The following PYGO1 variants were observed in gnomAD, a reference collection of about 807,000 sequenced individuals.
PYGO1 encodes pygopus family PHD finger 1.
PYGO1 carries 6 observed loss-of-function variants against 29.5 expected under a neutral mutation model. The observed-to-expected ratio is 0.20, with a 90% CI of 0.11 to 0.40. The LOEUF (loss-of-function observed/expected upper bound fraction) is 0.40. PYGO1 is among the 10% of genes least tolerant of loss of function. The pLI is 1.00. For synonymous variants in PYGO1, 186 were observed against 180.5 expected (o/e 1.03, Z -0.24); for missense variants, 515 against 514.9 (o/e 1.00, Z 0.00).
intron 1 of PYGO1, among the ~76,000 whole-genome samples, chr15:55,552,361 CA>C (rs56789656): frequency 0.19 from 10,215 of 52,886 alleles, 732 homozygotes; most frequent in African/African-American, 0.41. Flanking sequence ...ACTCTGTCTC[CA>C]AAAAAAAAAA....
chr15:55,547,326 T>C (rs1165116052), intron 2 of PYGO1, among the ~76,000 whole-genome samples, 179 bp from the exon 3 acceptor site: 1 of 152,220 alleles, frequency 6.6e-6, no homozygotes, highest in Non-Finnish European at 1.5e-5. Context: ...TAATTATACT[T>C]GCTGATAAAA....
chr15:55,550,792 A>AT (rs1486744855), intron 1 of PYGO1, among the ~76,000 whole-genome samples: 1 of 152,048 alleles, frequency 6.6e-6, no homozygotes, highest in Non-Finnish European at 1.5e-5. Context: ...ATATATCTTG[A>AT]TTTTGCTGAT....
At chr15:55,586,880 G>A (rs1357291815) in intron 1 of PYGO1, among the ~76,000 whole-genome samples, 4 of 152,068 alleles carry the variant, frequency 2.6e-5, no homozygotes, top group Non-Finnish European at 4.4e-5. Context: ...TACCACCTAC[G>A]ATTTGACATT....
chr15:55,577,035 G>A (rs1397780705), intron 1 of PYGO1, among the ~76,000 whole-genome samples: 3 of 150,998 alleles, frequency 2.0e-5, no homozygotes, highest in East Asian at 1.9e-4. Flanking sequence ...CCTCCCTCAC[G>A]ATTTGCTCAC....
At chr15:55,580,555 G>C (rs573525694) in intron 1 of PYGO1, among the ~76,000 whole-genome samples, 1 of 152,288 alleles carries the variant, frequency 6.6e-6, no homozygotes, top group South Asian at 2.1e-4. Flanking sequence ...ACAACTCCAT[G>C]AGATAAGTAC....
Position 55,546,740 on chromosome 15 carries a change from A to T in PYGO1, c.543T>A (p.Ala181=). The change falls in exon 3 of 3, where the codon GCT becomes GCA. Residue 181 remains alanine (A), a synonymous_variant. Transcript: ENST00000563719. ...MPNQHFRQNP[A]ENFSQIPPQN... is the part of the protein sequence containing the mutation. ...GTGGAGGAATTTGACTGAAATTTTCAGCAGGATTTTGTCTAAAATGTTGAT... is the reference window on the plus strand; with the variant it reads ...GTGGAGGAATTTGACTGAAATTTTCTGCAGGATTTTGTCTAAAATGTTGAT... The T allele has an allele frequency of 6.2e-7, 1 of 1,614,140 alleles. No homozygotes were observed. The highest frequency in any genetic ancestry group is 8.5e-7 in the Non-Finnish European group (1 of 1,179,956).
At position 55,544,708 on chromosome 15, in the gene PYGO1, T is replaced by C. The variant is rs2058842003; in HGVS notation, c.*1315A>G. 1.3e-5 allele frequency: 2 copies of C among 152,170 alleles called. No individual in the cohort carries two copies. The highest frequency in any genetic ancestry group is 1.3e-4 in the Admixed American group (2 of 15,274). 9.4% of individuals were successfully genotyped at this position (152,170 alleles called of 1,614,324 possible). Reference sequence around the variant, plus strand: ...AGAATTTTTTTGGTTGCAATGATAATGGTGGCAACATATTAGGGAGCTTTA... The same window carrying C: ...AGAATTTTTTTGGTTGCAATGATAACGGTGGCAACATATTAGGGAGCTTTA... On this transcript the variant is annotated 3_prime_UTR_variant, in exon 3 of 3. Transcript: ENST00000563719.
chr15:55,587,759 C>G (rs2059054868), intron 1 of PYGO1, 76 bp downstream of exon 1: 9 of 1,434,482 alleles, frequency 6.3e-6, no homozygotes, highest in East Asian at 6.2e-5. Context: ...GCCCCATGGC[C>G]TCCCGGCGGC....
chr15:55,584,866 GCTGCTTCTGGTCTA>G (rs2059040067), intron 1 of PYGO1, among the ~76,000 whole-genome samples: 1 of 152,186 alleles, frequency 6.6e-6, no homozygotes, highest in Non-Finnish European at 1.5e-5. Context: ...ACCACAGCCA[GCTGCTTCTGGTCTA>G]CTCACACCTT....
At chr15:55,582,265 C>A (rs1025768429) in intron 1 of PYGO1, among the ~76,000 whole-genome samples, 1 of 149,826 alleles carries the variant, frequency 6.7e-6, no homozygotes, top group South Asian at 2.1e-4. Context: ...GACAGTGTTG[C>A]GTGGGAGTAG....
chr15:55,584,963 G>C (rs144587504), intron 1 of PYGO1, among the ~76,000 whole-genome samples: 2 of 152,164 alleles, frequency 1.3e-5, no homozygotes, highest in Admixed American at 6.5e-5. Flanking sequence ...TCTTGTTAAA[G>C]ATGCAGAAGT....
At chr15:55,578,673 A>T (rs2059013948) in intron 1 of PYGO1, among the ~76,000 whole-genome samples, 1 of 152,186 alleles carries the variant, frequency 6.6e-6, no homozygotes, top group African/African-American at 2.4e-5. Flanking sequence ...ATGTCTATTC[A>T]ATCCTTTGGC....
intron 1 of PYGO1, among the ~76,000 whole-genome samples, chr15:55,565,978 C>T (rs1406582909): frequency 6.6e-6 from 1 of 152,160 alleles, no homozygotes; most frequent in African/African-American, 2.4e-5. Context: ...GACAGCGGTT[C>T]TACCATGTTG....
intron 1 of PYGO1, among the ~76,000 whole-genome samples, chr15:55,550,196 G>A (rs2058872525): frequency 6.6e-6 from 1 of 152,092 alleles, no homozygotes; most frequent in South Asian, 2.1e-4. Flanking sequence ...CCTCCATCCT[G>A]TTTTTTCCTT....
At chr15:55,567,846 G>A (rs1050402102) in intron 1 of PYGO1, among the ~76,000 whole-genome samples, 67 of 152,062 alleles carry the variant, frequency 4.4e-4, no homozygotes, top group African/African-American at 1.5e-3. Context: ...GCCATTTACT[G>A]GGCCTTTCAC....
rs776605770 is a variant in PYGO1, at chr15:55,546,230, G to C, written c.1053C>G (p.Asn351Lys). The change falls in exon 3 of 3, where the codon AAC (asparagine) becomes AAG (lysine). Residue 351 changes from asparagine to lysine, a missense_variant. By Grantham distance (94) the Asn-to-Lys change is moderately conservative. Transcript: ENST00000563719. ...YPCGICTNEV[N>K]DDQDAILCEA... ...CACATAAGATGGCATCCTGATCATC[G>C]TTCACCTCGTTTGTACAAATTCCAC... is the stretch of plus-strand genomic sequence containing the variant. The C allele has an allele frequency of 6.2e-7, 1 of 1,614,136 alleles. No homozygotes were observed. The highest frequency in any genetic ancestry group is 1.1e-5 in the South Asian group (1 of 91,082).
chr15:55,578,628 T>A (rs2059013758), intron 1 of PYGO1, among the ~76,000 whole-genome samples: 1 of 152,222 alleles, frequency 6.6e-6, no homozygotes, highest in African/African-American at 2.4e-5. Context: ...TCTTTTTATG[T>A]ACTTATGGAC....
At chr15:55,574,906 C>T (rs2058995058) in intron 1 of PYGO1, among the ~76,000 whole-genome samples, 2 of 152,038 alleles carry the variant, frequency 1.3e-5, no homozygotes, top group Admixed American at 1.3e-4. Context: ...AGAAAATTTC[C>T]ACAATACCAG....
At position 55,547,066 on chromosome 15, in the gene PYGO1, C is replaced by A; in HGVS notation, c.217G>T (p.Asp73Tyr). The A allele has an allele frequency of 6.2e-7, 1 of 1,613,066 alleles. No homozygotes were observed. Among genetic ancestry groups the A allele is most frequent in the Non-Finnish European group, 8.5e-7 (1 of 1,179,364 alleles). Residue 73 changes from aspartate (D) to tyrosine (Y), a missense_variant, in exon 3 of 3, where the codon GAT becomes TAT. Asp to Tyr is a radical substitution (Grantham distance 160). Coordinates refer to ENST00000563719, the MANE Select transcript of PYGO1 (RefSeq NM_001367806.1). ...SDHLVAANPFDDNYNTISYKP... is the reference protein window; with the variant it reads ...SDHLVAANPFYDNYNTISYKP... ...TAGGAAATAGTATTATAGTTGTCAT[C>A]AAATGGATTAGCAGCCACTAGATGG...
Sources: allele counts gnomAD v4.1 joint callset (sites outside exome capture counted in the v4.1 genomes callset), GRCh38; gene constraint gnomAD v4.1.1; transcripts MANE v1.5; gene names NCBI Gene and HGNC (gene_info 2026-07-23, HGNC 2026-07-21).